Variants in RARG observed in about 807,000 individuals in gnomAD.
The protein encoded by RARG is retinoic acid receptor gamma.
RARG carries 17 observed loss-of-function variants against 43.7 expected under a neutral mutation model. The ratio of observed to expected loss-of-function variants is 0.39; its 90% CI spans 0.27 to 0.58. The LOEUF (loss-of-function observed/expected upper bound fraction) is 0.58, where lower values mean the gene tolerates loss of function less well. Among genes scored for constraint, RARG ranks in the 20% least tolerant of loss-of-function variants. The pLI is 0.57. For missense variants in RARG, 346 were observed against 598.7 expected (o/e 0.58, Z 4.40); for synonymous variants, 238 against 236.4 (o/e 1.01, Z -0.06).
intron 3 of RARG, among the ~76,000 whole-genome samples, chr12:53,226,918 C>T (rs1565730591): frequency 6.6e-6 from 1 of 152,184 alleles, no homozygotes; most frequent in Admixed American, 6.5e-5. Flanking sequence ...AACCCAATTT[C>T]ACCTCTTGAT....
chr12:53,222,032 C>A (rs1942981682), intron 3 of RARG, among the ~76,000 whole-genome samples: 1 of 151,570 alleles, frequency 6.6e-6, no homozygotes, highest in African/African-American at 2.4e-5. Flanking sequence ...CGGGGGGCTG[C>A]CGGGGCTGGG....
At chr12:53,224,687 G>A (rs915672431) in intron 3 of RARG, among the ~76,000 whole-genome samples, 2 of 144,176 alleles carry the variant, frequency 1.4e-5, no homozygotes, top group Admixed American at 7.0e-5. Flanking sequence ...CATTAAAGCC[G>A]CATAGCAACC....
At chr12:53,212,735 T>TACAC (rs200052709) in intron 9 of RARG, among the ~76,000 whole-genome samples, 151 of 136,974 alleles carry the variant, frequency 1.1e-3, no homozygotes, top group East Asian at 6.2e-3. Context: ...TAAATATATA[T>TACAC]ATACACACAC....
chr12:53,229,922 G>A (rs1943191271), intron 2 of RARG: 1 of 961,866 alleles, frequency 1.0e-6, no homozygotes, highest in Non-Finnish European at 1.2e-6. Context: ...AAGGAATGAT[G>A]CTGCATGTGA....
chr12:53,218,257 G>A (rs1197211792), intron 3 of RARG, among the ~76,000 whole-genome samples: 1 of 152,150 alleles, frequency 6.6e-6, no homozygotes, highest in Non-Finnish European at 1.5e-5. Flanking sequence ...CTGAAAGTGT[G>A]TGCGGGCAGG....
rs1224561631 is a variant in RARG at position 53,222,283 on chromosome 12, AAGG to A, written c.184+5076_184+5078del. On this transcript the variant is annotated intron_variant, in intron 3 of 9. Transcript: ENST00000425354. ...GAAGAAAGAAAAAGGAAGAAAGAGA[AAGG>A]AGGAGAAAGAAAGAGAGAGAGAGAG... Among the ~76,000 whole-genome samples the A allele has an allele frequency of 4.1e-5, 6 of 144,954 alleles. No homozygotes were observed. In the East Asian group the frequency reaches 6.0e-4, roughly 14 times the overall value.
At chr12:53,228,110 C>G (rs943163233) in intron 2 of RARG, among the ~76,000 whole-genome samples, 2 of 152,140 alleles carry the variant, frequency 1.3e-5, no homozygotes, top group Non-Finnish European at 2.9e-5. Flanking sequence ...AGTGGGGGAG[C>G]CCAGATTCAA....
At chr12:53,225,127 A>G (rs914835080) in intron 3 of RARG, among the ~76,000 whole-genome samples, 1 of 151,936 alleles carries the variant, frequency 6.6e-6, no homozygotes, top group African/African-American at 2.4e-5. Flanking sequence ...GTTCCTTCCC[A>G]CTTCCCCAGG....
chr12:53,212,280 G>C (rs542603777), intron 9 of RARG, among the ~76,000 whole-genome samples: 41 of 152,322 alleles, frequency 2.7e-4, no homozygotes, highest in African/African-American at 8.9e-4. Context: ...AGCCTGGACT[G>C]TCCAATAGAA....
Position 53,213,412 on chromosome 12 carries a change from C to A in RARG, c.1018+84G>T. 6.5e-7 allele frequency: 1 copy of A among 1,533,282 alleles called. No homozygotes were observed. The allele number at this position is 1,533,282 out of a possible 1,614,324, so 95.0% of individuals were successfully genotyped here. On this transcript the variant is annotated intron_variant, in intron 8 of 9. Transcript: ENST00000425354. The surrounding 1 kb of genome is among the most constrained non-coding windows in gnomAD (Gnocchi z 4.7). Reference sequence around the variant, plus strand: ...CAGCAGAAGAGACCACTGGGTCCTCCACGCCCCCTCCCAGACAGATTCCGC... The same window carrying A: ...CAGCAGAAGAGACCACTGGGTCCTCAACGCCCCCTCCCAGACAGATTCCGC...
chr12:53,212,727 A>AATATATAT (rs775006726), intron 9 of RARG, among the ~76,000 whole-genome samples: 2 of 144,680 alleles, frequency 1.4e-5, no homozygotes, highest in African/African-American at 5.3e-5. Context: ...TTTGTCTCTA[A>AATATATAT]ATATATATAT....
At chr12:53,231,903 C>T in intron 1 of RARG, 71 bp downstream of exon 1, 1 of 394,752 alleles carries the variant, frequency 2.5e-6, no homozygotes, top group Non-Finnish European at 4.5e-6. Flanking sequence ...CCTCCGCGCC[C>T]CCTCCCCCAG....
Position 53,211,965 on chromosome 12 carries a change from G to GCAGTTGA in RARG, c.1178-103_1178-102insTCAACTG. ...TCAACTGCCCCTGACTCCCCTAGGGGGCGCCCAGCACAGGCCCACCACCTC... is the reference window on the plus strand; with the variant it reads ...TCAACTGCCCCTGACTCCCCTAGGGGCAGTTGAGCGCCCAGCACAGGCCCACCACCTC... On this transcript the variant is annotated intron_variant, in intron 9 of 9. Transcript: ENST00000425354. The surrounding 1 kb of genome is among the most constrained non-coding windows in gnomAD (Gnocchi z 4.6). 3.1e-6 allele frequency: 3 copies of GCAGTTGA among 952,752 alleles called. No individual in the cohort carries two copies. Among genetic ancestry groups the GCAGTTGA allele is most frequent in the Non-Finnish European group, 4.2e-6 (3 of 709,692 alleles). 59.0% of individuals were successfully genotyped at this position (952,752 alleles called of 1,614,324 possible).
chr12:53,228,755 G>T (rs1256039910), intron 2 of RARG, among the ~76,000 whole-genome samples: 1 of 151,848 alleles, frequency 6.6e-6, no homozygotes, highest in African/African-American at 2.4e-5. Flanking sequence ...TATATTTTTA[G>T]TAGAGATGGG....
At chr12:53,212,737 T>C (rs199553766) in intron 9 of RARG, among the ~76,000 whole-genome samples, 18,799 of 133,632 alleles carry the variant, frequency 0.14, 1,368 homozygotes, top group East Asian at 0.28. Flanking sequence ...AATATATATA[T>C]ACACACACAC....
At chr12:53,220,393 AGGGGTGG>A in intron 3 of RARG, 95 of 74,152 alleles carry the variant, frequency 1.3e-3, no homozygotes, top group Non-Finnish European at 1.7e-3. Flanking sequence ...CGAAGCCTGG[AGGGGTGG>A]GGGGTGGGGC....
rs1282109684 is a variant in RARG at position 53,211,201 on chromosome 12, C to G, written c.*475G>C. ...CACAAGGACGGGGCACAGAGGCTAG[C>G]ACACACCCTGCAGGTGCATCACACA... On this transcript the variant is annotated 3_prime_UTR_variant, in exon 10 of 10. Coordinates refer to ENST00000425354, the MANE Select transcript of RARG (RefSeq NM_000966.6). This position sits in a 1 kb window ranked among gnomAD's most constrained non-coding sequence, Gnocchi z 4.6. The G allele has an allele frequency of 6.5e-6, 1 of 153,500 alleles. No homozygotes were observed. The highest frequency in any genetic ancestry group is 1.5e-5 in the Non-Finnish European group (1 of 68,630). The allele number at this position is 153,500 out of a possible 1,614,324, so 9.5% of individuals were successfully genotyped here. A position where few individuals can be genotyped will look rare whatever the true frequency, so the allele number is the denominator to read the frequency against.
Position 53,214,104 on chromosome 12 carries a change from A to C in RARG, c.768T>G (p.Ile256Met), listed in dbSNP as rs1292642280. The change falls in exon 7 of 10, where the codon ATT becomes ATG. Residue 256 changes from isoleucine to methionine, a missense_variant. Transcript: ENST00000425354. Reference protein sequence around the residue: ...KRLPGFTGLSIADQITLLKAA... With the variant: ...KRLPGFTGLSMADQITLLKAA... ...CTTTGAGCAGAGTGATCTGGTCAGCAATGCTGAGCCCTGTAAAGCCAGGCA... is the reference window on the plus strand; with the variant it reads ...CTTTGAGCAGAGTGATCTGGTCAGCCATGCTGAGCCCTGTAAAGCCAGGCA... 5 of 1,613,980 alleles carry C rather than the reference A, an allele frequency of 3.1e-6. No homozygotes were observed. The highest frequency in any genetic ancestry group is 4.2e-6 in the Non-Finnish European group (5 of 1,180,026).
At chr12:53,222,394 C>A (rs1942999289) in intron 3 of RARG, among the ~76,000 whole-genome samples, 1 of 152,064 alleles carries the variant, frequency 6.6e-6, no homozygotes, top group Non-Finnish European at 1.5e-5. Context: ...TAGGGAGTAC[C>A]CCGAAAACAA....
Sources: allele counts gnomAD v4.1 joint callset (sites outside exome capture counted in the v4.1 genomes callset), GRCh38; gene constraint gnomAD v4.1.1; non-coding constraint Gnocchi (gnomAD v3.1); transcripts MANE v1.5; gene names NCBI Gene and HGNC (gene_info 2026-07-23, HGNC 2026-07-21).